Variants in ADAMTS5 observed in about 807,000 individuals in gnomAD.
ADAMTS5 encodes ADAM metallopeptidase with thrombospondin type 1 motif 5.
ADAMTS5 carries 54 observed loss-of-function variants against 81.4 expected under a neutral mutation model. That is an observed-to-expected ratio of 0.66 (90% CI 0.53 to 0.83). The LOEUF (loss-of-function observed/expected upper bound fraction) is 0.83, where lower values mean the gene tolerates loss of function less well. Ranked by LOEUF, ADAMTS5 falls within the 40% of genes least tolerant of loss-of-function variation. The pLI is 0.00. For missense variants in ADAMTS5, 1,194 were observed against 1,229.9 expected, an observed-to-expected ratio of 0.97 and a Z score of 0.44; for synonymous variants, 532 against 508.8, an observed-to-expected ratio of 1.05 and a Z score of -0.61.
At chr21:26,954,448 CA>C (rs1987379953) in intron 2 of ADAMTS5, among the ~76,000 whole-genome samples, 1 of 152,120 alleles carries the variant, frequency 6.6e-6, no homozygotes, top group Non-Finnish European at 1.5e-5. Context: ...AAATTTCATC[CA>C]GGGGTCATTT....
At position 26,951,669 on chromosome 21, in the gene ADAMTS5, C is replaced by T. The variant is rs866196634; in HGVS notation, c.1237+3070G>A. Among the ~76,000 whole-genome samples, 10 of 88,606 alleles carry T rather than the reference C, an allele frequency of 1.1e-4. No individual in the cohort carries two copies. The South Asian group carries it at 1.3e-3, about 12-fold the overall frequency. 58.1% of individuals were successfully genotyped at this position (88,606 alleles called of 152,430 possible). A position where few individuals can be genotyped will look rare whatever the true frequency, so the allele number is the denominator to read the frequency against. On this transcript the variant is annotated intron_variant, in intron 2 of 7. Coordinates refer to ENST00000284987, the MANE Select transcript of ADAMTS5 (RefSeq NM_007038.5). ...ACTCCAGCCTGGGCAACAAGAGTGA[C>T]CCTCCATCTCAAAAAAAAAAAAAAA...
intron 1 of ADAMTS5, among the ~76,000 whole-genome samples, chr21:26,958,507 T>C (rs551233144): frequency 5.3e-5 from 8 of 152,304 alleles, no homozygotes; most frequent in South Asian, 2.1e-4. Context: ...ACTACATTAA[T>C]TGGAACTGTT....
At chr21:26,946,725 A>G (rs1987222892) in intron 2 of ADAMTS5, among the ~76,000 whole-genome samples, 1 of 152,164 alleles carries the variant, frequency 6.6e-6, no homozygotes, top group Non-Finnish European at 1.5e-5. Flanking sequence ...CAATGCCAAA[A>G]GTAATTTGTT....
intron 2 of ADAMTS5, among the ~76,000 whole-genome samples, chr21:26,948,016 TTC>T (rs1250752122): frequency 1.3e-5 from 2 of 152,152 alleles, no homozygotes; most frequent in East Asian, 1.9e-4. Context: ...GGTATGAAAA[TTC>T]TCTTTTTCAA....
rs565091854 is a variant in ADAMTS5, at chr21:26,954,932, T to C, written c.1105-61A>G. The C allele has an allele frequency of 8.8e-6, 14 of 1,590,308 alleles. No homozygotes were observed. In the South Asian group the frequency reaches 1.5e-4, roughly 17 times the overall value. ...TTTACATCCAGAAGGAGCCGCCACATAGAGCCACTTGCTTACCCCAAATGG... is the reference window on the plus strand; with the variant it reads ...TTTACATCCAGAAGGAGCCGCCACACAGAGCCACTTGCTTACCCCAAATGG... On this transcript the variant is annotated intron_variant, in intron 1 of 7. Transcript: ENST00000284987.
rs896964716 is a variant in ADAMTS5 at position 26,919,455 on chromosome 21, T to C, written c.*4598A>G. The C allele has an allele frequency of 6.8e-6, 1 of 146,886 alleles. No individual in the cohort carries two copies. Among genetic ancestry groups the C allele is most frequent in the African/African-American group, 2.5e-5 (1 of 40,346 alleles). 9.1% of individuals were successfully genotyped at this position (146,886 alleles called of 1,614,324 possible). A position where few individuals can be genotyped will look rare whatever the true frequency, so the allele number is the denominator to read the frequency against. On this transcript the variant is annotated 3_prime_UTR_variant, in exon 8 of 8. Coordinates refer to ENST00000284987, the MANE Select transcript of ADAMTS5 (RefSeq NM_007038.5). ...GTAGAATGCAATTAACTGGGCTAAC[T>C]AATGTGTATGTTAATGTCTTTTTTT...
Position 26,922,318 on chromosome 21 carries a change from G to C in ADAMTS5, c.*1735C>G, listed in dbSNP as rs1443481464. ...AAACAGCAAGACATCTATTTTCCTG[G>C]CCCACTGAAATGATGTAATATAGTG... On this transcript the variant is annotated 3_prime_UTR_variant, in exon 8 of 8. Transcript: ENST00000284987. 1.3e-5 allele frequency: 2 copies of C among 151,822 alleles called. No homozygotes were observed. Among genetic ancestry groups the C allele is most frequent in the East Asian group, 3.9e-4 (2 of 5,180 alleles). The allele number at this position is 151,822 out of a possible 1,614,324, so 9.4% of individuals were successfully genotyped here.
intron 7 of ADAMTS5, among the ~76,000 whole-genome samples, chr21:26,925,550 T>G (rs946805640): frequency 3.9e-5 from 6 of 152,194 alleles, no homozygotes; most frequent in Non-Finnish European, 8.8e-5. Flanking sequence ...AAATGCTAAT[T>G]AAGCACCAAG....
rs187894468 is a variant in ADAMTS5, at chr21:26,940,737, T to C, written c.1405+2643A>G. Among the ~76,000 whole-genome samples, 404 of 152,230 alleles carry C rather than the reference T, an allele frequency of 2.7e-3. 1 individual carries two copies. Among genetic ancestry groups the C allele is most frequent in the African/African-American group, 8.0e-3 (334 of 41,554 alleles). ...TTTATAATATAGTTTTGTGACATCG[T>C]TTAGTCTTCTAACAAAGATGCATCT... On this transcript the variant is annotated intron_variant, in intron 3 of 7. Transcript: ENST00000284987.
Position 26,929,960 on chromosome 21 carries a change from C to A in ADAMTS5, c.2151G>T (p.Gln717His). Residue 717 changes from glutamine to histidine, a missense_variant, in exon 7 of 8, where the codon CAG (glutamine) becomes CAT (histidine). Physicochemically the swap from Gln to His is conservative, Grantham distance 24. Transcript: ENST00000284987. ...GCDGIIGSKLQYDKCGVCGGD... is the reference protein window; with the variant it reads ...GCDGIIGSKLHYDKCGVCGGD... ...CTCCACATACTCCGCACTTGTCATA[C>A]TGCAGCTTTGAGCCAATGATGCCGT... is the stretch of plus-strand genomic sequence containing the variant. 1 of 1,614,164 alleles carries A rather than the reference C, an allele frequency of 6.2e-7. No individual in the cohort carries two copies. The highest frequency in any genetic ancestry group is 1.1e-5 in the South Asian group (1 of 91,082).
chr21:26,965,669 C>T lies in ADAMTS5; in HGVS notation c.723G>A (p.Gln241=), dbSNP rs992493247. ...AGCCCCCAGCGGGCGAGAGAGCGGACTGGTCCAAGAGCTGCGAGGCCAGTG... is the reference window on the plus strand; with the variant it reads ...AGCCCCCAGCGGGCGAGAGAGCGGATTGGTCCAAGAGCTGCGAGGCCAGTG... ...RAALASQLLD[Q]SALSPAGGSG... is the part of the protein sequence containing the mutation. Residue 241 remains glutamine (Q), a synonymous_variant, in exon 1 of 8, where the codon CAG becomes CAA. Transcript: ENST00000284987. 1.4e-5 allele frequency: 23 copies of T among 1,589,476 alleles called. No individual in the cohort carries two copies. Among genetic ancestry groups the T allele is most frequent in the Non-Finnish European group, 1.8e-5 (21 of 1,170,466 alleles).
chr21:26,950,984 T>G (rs1383741604), intron 2 of ADAMTS5, among the ~76,000 whole-genome samples: 1 of 152,136 alleles, frequency 6.6e-6, no homozygotes, highest in Non-Finnish European at 1.5e-5. Flanking sequence ...GCCTTCTGAG[T>G]AGCTGGGACT....
intron 7 of ADAMTS5, among the ~76,000 whole-genome samples, chr21:26,925,800 C>T (rs968633683): frequency 2.0e-5 from 3 of 152,172 alleles, no homozygotes; most frequent in Non-Finnish European, 4.4e-5. Context: ...CAAGGAAGTC[C>T]CCTGTCTGCA....
intron 3 of ADAMTS5, among the ~76,000 whole-genome samples, chr21:26,940,891 A>G (rs1987102741): frequency 6.6e-6 from 1 of 152,144 alleles, no homozygotes; most frequent in Admixed American, 6.5e-5. Context: ...TTTCACTTAC[A>G]TTGACTTAAG....
intron 2 of ADAMTS5, among the ~76,000 whole-genome samples, chr21:26,951,908 C>A (rs118016927): frequency 1.3e-5 from 2 of 151,974 alleles, no homozygotes; most frequent in Non-Finnish European, 2.9e-5. Context: ...ATCAGGAAAT[C>A]TTTTGTCAGG....
At chr21:26,955,085 A>G (rs1323228681) in intron 1 of ADAMTS5, among the ~76,000 whole-genome samples, 1 of 152,180 alleles carries the variant, frequency 6.6e-6, no homozygotes, top group Non-Finnish European at 1.5e-5. Flanking sequence ...ACTCAATTAC[A>G]TTTAAAAAGA....
chr21:26,935,260 A>G (rs951846188), intron 3 of ADAMTS5, among the ~76,000 whole-genome samples: 4 of 152,102 alleles, frequency 2.6e-5, no homozygotes, highest in Admixed American at 6.5e-5. Flanking sequence ...CACTAATTCC[A>G]TAAATAATAG....
In ADAMTS5 at chr21:26,926,667, T is replaced by TAAA. The variant is rs35848324; in HGVS notation, c.2226-2050_2226-2048dup. Among the ~76,000 whole-genome samples, 7 of 123,352 alleles carry TAAA rather than the reference T, an allele frequency of 5.7e-5. No homozygotes were observed. In the East Asian group the frequency reaches 1.4e-3, roughly 26 times the overall value. 80.9% of individuals were successfully genotyped at this position (123,352 alleles called of 152,430 possible). A position where few individuals can be genotyped will look rare whatever the true frequency, so the allele number is the denominator to read the frequency against. On this transcript the variant is annotated intron_variant, in intron 7 of 7. Coordinates refer to ENST00000284987, the MANE Select transcript of ADAMTS5 (RefSeq NM_007038.5). ...TGGGCAACAGAGTGAGACCCTGTCT[T>TAAA]AAAAAAAAAAAAAAAAAAAGCCAGG...
At chr21:26,952,104 C>T (rs1987330559) in intron 2 of ADAMTS5, among the ~76,000 whole-genome samples, 1 of 152,102 alleles carries the variant, frequency 6.6e-6, no homozygotes, top group African/African-American at 2.4e-5. Context: ...CAGATTAGTT[C>T]ATATGTAATA....
Sources: allele counts gnomAD v4.1 joint callset (sites outside exome capture counted in the v4.1 genomes callset), GRCh38; gene constraint gnomAD v4.1.1; transcripts MANE v1.5; gene names NCBI Gene and HGNC (gene_info 2026-07-23, HGNC 2026-07-21).